The following SLC24A3 variants were observed in gnomAD, a reference collection of about 807,000 sequenced individuals.
The protein encoded by SLC24A3 is sodium/potassium/calcium exchanger 3.
In SLC24A3, 28 loss-of-function variants were observed where a neutral mutation model predicts 75.8. The ratio of observed to expected loss-of-function variants is 0.37; its 90% CI spans 0.27 to 0.51. The LOEUF is 0.51. Among genes scored for constraint, SLC24A3 ranks in the 20% least tolerant of loss-of-function variants. The pLI, the probability that SLC24A3 is intolerant of heterozygous loss-of-function variation, is 0.94. For synonymous variants in SLC24A3, 372 were observed against 334.1 expected, an observed-to-expected ratio of 1.11 and a Z score of -1.24; for missense variants, 663 against 847.8, an observed-to-expected ratio of 0.78 and a Z score of 2.71.
At chr20:19,270,230 C>G (rs1397305713) in intron 1 of SLC24A3, among the ~76,000 whole-genome samples, 1 of 152,124 alleles carries the variant, frequency 6.6e-6, no homozygotes, top group Non-Finnish European at 1.5e-5. Flanking sequence ...CCCAGCTGCT[C>G]AAAGTGGTGC....
intron 2 of SLC24A3, among the ~76,000 whole-genome samples, chr20:19,437,688 T>C (rs934307373): frequency 6.6e-6 from 1 of 152,160 alleles, no homozygotes; most frequent in East Asian, 1.9e-4. Context: ...TTCCACAGCC[T>C]GGCCCTGCCC....
At chr20:19,703,169 C>T (rs553092596) in intron 15 of SLC24A3, among the ~76,000 whole-genome samples, 41 of 152,268 alleles carry the variant, frequency 2.7e-4, no homozygotes, top group African/African-American at 9.6e-4. Flanking sequence ...CTTGAGAGGG[C>T]ATTTAATAAG....
At chr20:19,418,124 C>CAACAAGGG (rs1986857211) in intron 2 of SLC24A3, among the ~76,000 whole-genome samples, 1 of 152,144 alleles carries the variant, frequency 6.6e-6, no homozygotes, top group African/African-American at 2.4e-5. Flanking sequence ...TATGAAAAAA[C>CAACAAGGG]AACAAGGGAT....
chr20:19,431,405 C>T (rs1236706367), intron 2 of SLC24A3, among the ~76,000 whole-genome samples: 1 of 152,052 alleles, frequency 6.6e-6, no homozygotes, highest in African/African-American at 2.4e-5. Flanking sequence ...GATGGCTGTG[C>T]AGTACAGACA....
chr20:19,704,871 G>A (rs543691715), intron 15 of SLC24A3, among the ~76,000 whole-genome samples: 1 of 152,146 alleles, frequency 6.6e-6, no homozygotes, highest in Admixed American at 6.6e-5. Flanking sequence ...CAGGGCTCAG[G>A]TTTCATGCTA....
chr20:19,662,620 T>G (rs2122718141), intron 7 of SLC24A3, among the ~76,000 whole-genome samples: 1 of 152,366 alleles, frequency 6.6e-6, no homozygotes, highest in East Asian at 1.9e-4. Context: ...TGCAACTTGT[T>G]CTAGTCTAGA....
At chr20:19,482,364 C>T (rs1376149630) in intron 2 of SLC24A3, among the ~76,000 whole-genome samples, 3 of 152,166 alleles carry the variant, frequency 2.0e-5, no homozygotes, top group African/African-American at 7.2e-5. Flanking sequence ...TTTCCTCTTC[C>T]TGGAACAGTG....
intron 1 of SLC24A3, among the ~76,000 whole-genome samples, chr20:19,276,532 G>A (rs1458473713): frequency 2.0e-5 from 3 of 152,162 alleles, no homozygotes; most frequent in African/African-American, 7.2e-5. Flanking sequence ...AACACTGTAG[G>A]CAGTTGTAAC....
intron 2 of SLC24A3, among the ~76,000 whole-genome samples, chr20:19,361,432 T>C (rs1221204980): frequency 6.6e-6 from 1 of 152,102 alleles, no homozygotes; most frequent in Non-Finnish European, 1.5e-5. Context: ...GACAGTTGAC[T>C]GCAGAGGGAA....
rs1001755116 is a variant in SLC24A3 at position 19,311,232 on chromosome 20, T to G, written c.271+30145T>G. Among the ~76,000 whole-genome samples, 3 of 152,142 alleles carry G rather than the reference T, an allele frequency of 2.0e-5. No individual in the cohort carries two copies. In the East Asian group the frequency reaches 5.8e-4, roughly 29 times the overall value. On this transcript the variant is annotated intron_variant, in intron 2 of 16. Coordinates refer to ENST00000328041, the MANE Select transcript of SLC24A3 (RefSeq NM_020689.4). ...TTGGGCATGAACCTAAACCTCATGT[T>G]CAAAGGCTCAAGGCTTCAAGAGAAC...
intron 2 of SLC24A3, among the ~76,000 whole-genome samples, chr20:19,344,961 A>G (rs1033280775): frequency 6.6e-6 from 1 of 152,224 alleles, no homozygotes; most frequent in Admixed American, 6.5e-5. Flanking sequence ...CTTATTTGAC[A>G]TCATACTGGA....
chr20:19,549,653 G>A (rs1299789060), intron 3 of SLC24A3, among the ~76,000 whole-genome samples: 2 of 152,084 alleles, frequency 1.3e-5, no homozygotes, highest in East Asian at 1.9e-4. Flanking sequence ...GTGTGTTGGC[G>A]GGCGTCTGTA....
intron 2 of SLC24A3, among the ~76,000 whole-genome samples, chr20:19,438,210 G>A (rs766666675): frequency 1.3e-5 from 2 of 152,176 alleles, no homozygotes; most frequent in African/African-American, 2.4e-5. Context: ...GAAAATGCTG[G>A]TCTTTGAGCA....
chr20:19,306,789 C>T (rs1294032545), intron 2 of SLC24A3, among the ~76,000 whole-genome samples: 1 of 152,110 alleles, frequency 6.6e-6, no homozygotes, highest in Non-Finnish European at 1.5e-5. Context: ...ATTCATACAC[C>T]AAACCTTAGC....
intron 1 of SLC24A3, among the ~76,000 whole-genome samples, chr20:19,226,288 T>C (rs907535074): frequency 1.3e-4 from 20 of 152,290 alleles, no homozygotes; most frequent in African/African-American, 4.3e-4. Context: ...ATGGTGTGTT[T>C]TTCATTTTGT....
intron 2 of SLC24A3, among the ~76,000 whole-genome samples, chr20:19,389,997 A>G (rs1986338905): frequency 6.6e-6 from 1 of 151,972 alleles, no homozygotes; most frequent in Admixed American, 6.6e-5. Flanking sequence ...CTTCTGTTTG[A>G]TTGAGTTTGT....
At chr20:19,600,342 C>G (rs923926357) in intron 6 of SLC24A3, among the ~76,000 whole-genome samples, 1 of 152,146 alleles carries the variant, frequency 6.6e-6, no homozygotes, top group African/African-American at 2.4e-5. Context: ...TCAGGAGGGC[C>G]TCTGAGAGCC....
At chr20:19,372,221 C>A (rs1187414791) in intron 2 of SLC24A3, among the ~76,000 whole-genome samples, 2 of 152,156 alleles carry the variant, frequency 1.3e-5, no homozygotes, top group African/African-American at 4.8e-5. Context: ...TCCAGAATTC[C>A]TCATGTGCTA....
intron 2 of SLC24A3, among the ~76,000 whole-genome samples, chr20:19,461,534 T>A (rs564233248): frequency 7.8e-6 from 1 of 128,484 alleles, no homozygotes; most frequent in Admixed American, 7.4e-5. Context: ...TTTTTCTTTT[T>A]TTTTTTTTTT....
Sources: gnomAD v4.1 joint callset for allele counts (sites outside exome capture counted in the v4.1 genomes callset) on GRCh38, gnomAD v4.1.1 for gene constraint, MANE v1.5 for transcripts, NCBI Gene and HGNC (gene_info 2026-07-23, HGNC 2026-07-21) for gene names.